The following ALDH16A1 variants were observed in gnomAD, a reference collection of about 807,000 sequenced individuals.
ALDH16A1 encodes aldehyde dehydrogenase family 16 member A1.
ALDH16A1 carries 88 observed loss-of-function variants against 96.1 expected under a neutral mutation model. The ratio of observed to expected loss-of-function variants is 0.92; its 90% confidence interval spans 0.77 to 1.09. ALDH16A1 has a LOEUF of 1.09. Among genes scored for constraint, ALDH16A1 ranks in the 50% least tolerant of loss-of-function variants. The pLI, the probability that ALDH16A1 is intolerant of heterozygous loss-of-function variation, is 0.00. For missense variants in ALDH16A1, 1,250 were observed against 1,112.6 expected, an observed-to-expected ratio of 1.12 and a Z score of -1.76; for synonymous variants, 522 against 496.4, an observed-to-expected ratio of 1.05 and a Z score of -0.69.
intron 2 of ALDH16A1, 31 bp downstream of exon 2, chr19:49,458,619 G>T (rs372284791): frequency 6.5e-6 from 10 of 1,546,574 alleles, no homozygotes; most frequent in Non-Finnish European, 7.9e-6. Context: ...ATTAGTGGAA[G>T]GGAGGTATCT....
chr19:49,470,612 G>A lies in ALDH16A1; in HGVS notation c.*145G>A. ...CTAGCTGTGCTTCTGCGAGAAGAAA[G>A]GGTGTAGCAACTTCTGGCAGATATG... On this transcript the variant is annotated 3_prime_UTR_variant, in exon 17 of 17. Transcript: ENST00000293350. 1 of 874,980 alleles carries A rather than the reference G, an allele frequency of 1.1e-6. No individual in the cohort carries two copies. The highest frequency in any genetic ancestry group is 1.6e-6 in the Non-Finnish European group (1 of 639,864). The allele number at this position is 874,980 out of a possible 1,614,324, so 54.2% of individuals were successfully genotyped here. A position where few individuals can be genotyped will look rare whatever the true frequency, so the allele number is the denominator to read the frequency against.
In ALDH16A1 at chr19:49,461,816, G is replaced by C. The variant is rs370927408; in HGVS notation, c.759+16G>C. On this transcript the variant is annotated intron_variant, in intron 6 of 16. Coordinates refer to ENST00000293350, the MANE Select transcript of ALDH16A1 (RefSeq NM_153329.4). Reference sequence around the variant, plus strand: ...AGCCCCGGAGGTACCTTCGGGACAGGGGTCGTGGCGGAACGCGGCTGGGGG... The same window carrying C: ...AGCCCCGGAGGTACCTTCGGGACAGCGGTCGTGGCGGAACGCGGCTGGGGG... 98 of 1,607,390 alleles carry C rather than the reference G, an allele frequency of 6.1e-5. No individual in the cohort carries two copies. The highest frequency in any genetic ancestry group is 7.5e-5 in the Non-Finnish European group (88 of 1,177,300).
intron 5 of ALDH16A1, among the ~76,000 whole-genome samples, 193 bp from the exon 6 acceptor site, chr19:49,461,426 G>A (rs1295581573): frequency 1.0e-4 from 12 of 114,412 alleles, no homozygotes; most frequent in Non-Finnish European, 1.1e-4. Context: ...TGAGGGAGGA[G>A]GGGCTGGGCC....
At position 49,461,942 on chromosome 19, in the gene ALDH16A1, T is replaced by C. The variant is rs2079152756; in HGVS notation, c.818T>C (p.Leu273Pro). Reference protein sequence around the residue: ...AGECAELGLALGTESLLLLTD... With the variant: ...AGECAELGLAPGTESLLLLTD... ...GAGTGTGCGGAGCTGGGCCTGGCGC[T>C]GGGGACGGAGTCGCTGCTGCTGCTG... Residue 273 changes from leucine (L) to proline (P), a missense_variant, in exon 7 of 17, where the codon CTG (leucine) becomes CCG (proline). Coordinates refer to ENST00000293350, the MANE Select transcript of ALDH16A1 (RefSeq NM_153329.4). 3 of 1,573,288 alleles carry C rather than the reference T, an allele frequency of 1.9e-6. No homozygotes were observed. In the East Asian group the frequency reaches 7.0e-5, roughly 37 times the overall value.
In ALDH16A1 at chr19:49,464,740, G is replaced by A. The variant is rs761847775; in HGVS notation, c.1546G>A (p.Ala516Thr). ...FGLAVPSTLP[A>T]GPEIGPSPAP... ...CCTCGCTGTTCCCTCAACCCTGCCG[G>A]CTGGGCCTGAAATAGGGCCCAGGTG... Residue 516 changes from alanine (A) to threonine (T), a missense_variant, in exon 12 of 17, where the codon GCT becomes ACT. Physicochemically the swap from Ala to Thr is moderately conservative, Grantham distance 58. Transcript: ENST00000293350. 12 of 1,613,974 alleles carry A rather than the reference G, an allele frequency of 7.4e-6. No homozygotes were observed. The highest frequency in any genetic ancestry group is 1.0e-5 in the Non-Finnish European group (12 of 1,180,026).
intron 13 of ALDH16A1, 82 bp downstream of exon 13, chr19:49,465,987 G>T: frequency 6.5e-7 from 1 of 1,548,776 alleles, no homozygotes. Context: ...GGACTGGGAG[G>T]CTGGGCCCCC....
rs922448901 is a variant in ALDH16A1, at chr19:49,468,522, G to C, written c.2080G>C (p.Val694Leu). ...ALAYGNTVVMVPSAACPLLAL... is the reference protein window; with the variant it reads ...ALAYGNTVVMLPSAACPLLAL... Reference sequence around the variant, plus strand: ...GGCCTACGGCAACACTGTGGTCATGGTGCCCAGTGCGGCCTGTCCTCTGCT... The same window carrying C: ...GGCCTACGGCAACACTGTGGTCATGCTGCCCAGTGCGGCCTGTCCTCTGCT... The change falls in exon 15 of 17, where the codon GTG becomes CTG. Residue 694 changes from valine (V) to leucine (L), a missense_variant. By Grantham distance (32) the Val-to-Leu change is conservative. Transcript: ENST00000293350. This position sits in a 1 kb window ranked among gnomAD's most constrained non-coding sequence, Gnocchi z 4.4. 3.1e-6 allele frequency: 5 copies of C among 1,604,606 alleles called. No homozygotes were observed. The highest frequency in any genetic ancestry group is 8.5e-7 in the Non-Finnish European group (1 of 1,179,926).
Position 49,461,773 on chromosome 19 carries a change from G to T in ALDH16A1, c.732G>T (p.Arg244=). 2 of 1,611,436 alleles carry T rather than the reference G, an allele frequency of 1.2e-6. No homozygotes were observed. The highest frequency in any genetic ancestry group is 1.7e-6 in the Non-Finnish European group (2 of 1,178,918). The change falls in exon 6 of 17, where the codon CGG becomes CGT. Residue 244 remains arginine, a synonymous_variant. Coordinates refer to ENST00000293350, the MANE Select transcript of ALDH16A1 (RefSeq NM_153329.4). ...VPILASQPGI[R]KVAFCGAPEE... ...TCCTGGCCTCCCAGCCTGGAATCCG[G>T]AAGGTGGCCTTCTGCGGAGCCCCGG... is the stretch of plus-strand genomic sequence containing the variant.
At position 49,466,246 on chromosome 19, in the gene ALDH16A1, G is replaced by C. The variant is rs776005183; in HGVS notation, c.1901G>C (p.Trp634Ser). ...VELSARRLRA[W>S]GARVQAQGHT... Reference sequence around the variant, plus strand: ...CTGAGCGCAAGACGACTTCGGGCGTGGGGGGCCCGGGTGCAGGCCCAAGGC... The same window carrying C: ...CTGAGCGCAAGACGACTTCGGGCGTCGGGGGCCCGGGTGCAGGCCCAAGGC... Residue 634 changes from tryptophan to serine, a missense_variant, in exon 14 of 17, where the codon TGG (tryptophan) becomes TCG (serine). Transcript: ENST00000293350. 2.7e-6 allele frequency: 4 copies of C among 1,480,894 alleles called. No homozygotes were observed. In the Admixed American group the frequency reaches 7.5e-5, roughly 28 times the overall value. The allele number at this position is 1,480,894 out of a possible 1,614,324, so 91.7% of individuals were successfully genotyped here.
chr19:49,462,429 C>A, intron 7 of ALDH16A1, 141 bp from the exon 8 acceptor site: 1 of 1,116,810 alleles, frequency 9.0e-7, no homozygotes, highest in Non-Finnish European at 1.3e-6. Context: ...GCCACCGCAT[C>A]CGGCCTCTCT....
At chr19:49,467,873 G>A (rs1365480931) in intron 14 of ALDH16A1, among the ~76,000 whole-genome samples, 1 of 149,388 alleles carries the variant, frequency 6.7e-6, no homozygotes, top group Non-Finnish European at 1.5e-5. Context: ...AAAGAAAATA[G>A]ACCAGGCGCA....
chr19:49,462,729 C>CG lies in ALDH16A1; in HGVS notation c.1073dup (p.Glu359Ter), dbSNP rs775891702. On this transcript the variant is annotated frameshift_variant, in exon 8 of 17. Coordinates refer to ENST00000293350, the MANE Select transcript of ALDH16A1 (RefSeq NM_153329.4). LOFTEE classifies it high-confidence loss of function. The stretch of plus-strand genomic sequence containing the variant: ...ATGTGACCTGGTCCAGCGCTTTGTG[C>CG]GTGAGGCCCAGAGCCAGGGTGCACA... 2 of 1,598,262 alleles carry CG rather than the reference C, an allele frequency of 1.3e-6. No homozygotes were observed. The highest frequency in any genetic ancestry group is 1.8e-5 in the Admixed American group (1 of 57,038).
At position 49,467,119 on chromosome 19, in the gene ALDH16A1, G is replaced by A. The variant is rs75575676; in HGVS notation, c.1938+836G>A. On this transcript the variant is annotated intron_variant, in intron 14 of 16. Transcript: ENST00000293350. ...TGCAGCCTCAACCTCCGAGGTCCAA[G>A]TGAGCCCCCCACCTCAGCCTCCTGA... Among the ~76,000 whole-genome samples, 12 of 152,338 alleles carry A rather than the reference G, an allele frequency of 7.9e-5. No individual in the cohort carries two copies. In the East Asian group the frequency reaches 2.3e-3, roughly 29 times the overall value.
chr19:49,464,463 C>A lies in ALDH16A1; in HGVS notation c.1378C>A (p.Pro460Thr), dbSNP rs2079180873. 1 of 1,611,906 alleles carries A rather than the reference C, an allele frequency of 6.2e-7. No homozygotes were observed. Among genetic ancestry groups the A allele is most frequent in the Admixed American group, 1.7e-5 (1 of 59,622 alleles). The change falls in exon 11 of 17, where the codon CCT (proline) becomes ACT (threonine). Residue 460 changes from proline to threonine, a missense_variant. Pro to Thr is a conservative substitution (Grantham distance 38). Coordinates refer to ENST00000293350, the MANE Select transcript of ALDH16A1 (RefSeq NM_153329.4). Reference protein sequence around the residue: ...VWINAHGLRDPSVPTGGCKES... With the variant: ...VWINAHGLRDTSVPTGGCKES... The stretch of plus-strand genomic sequence containing the variant: ...GATCAACGCCCACGGCCTCAGAGAC[C>A]CTTCGGTGCCCACAGGCGGCTGCAA...
intron 2 of ALDH16A1, 88 bp downstream of exon 2, chr19:49,458,676 C>T (rs908192744): frequency 1.0e-5 from 14 of 1,390,678 alleles, no homozygotes; most frequent in African/African-American, 1.0e-4. Context: ...TTGCCTAGGG[C>T]CCTGAGGGCA....
At chr19:49,465,928 C>G (rs1167167759) in intron 13 of ALDH16A1, 23 bp downstream of exon 13, 1 of 1,609,110 alleles carries the variant, frequency 6.2e-7, no homozygotes, top group Admixed American at 1.7e-5. Flanking sequence ...ACGGGAAAGC[C>G]CAAGGGTCAT....
chr19:49,468,850 T>A lies in ALDH16A1; in HGVS notation c.2125-14T>A, dbSNP rs1243889453. On this transcript the variant is annotated splice_polypyrimidine_tract_variant and intron_variant, in intron 15 of 16. Coordinates refer to ENST00000293350, the MANE Select transcript of ALDH16A1 (RefSeq NM_153329.4). The surrounding 1 kb of genome is among the most constrained non-coding windows in gnomAD (Gnocchi z 4.4). The stretch of plus-strand genomic sequence containing the variant: ...CCACGGCCTCCCCAACCTTTCACTC[T>A]CTCTATCCCCTAGGACATGGCCACC... 7 of 1,608,376 alleles carry A rather than the reference T, an allele frequency of 4.4e-6. No homozygotes were observed. The highest frequency in any genetic ancestry group is 1.3e-5 in the African/African-American group (1 of 74,330).
chr19:49,465,863 A>G lies in ALDH16A1; in HGVS notation c.1694A>G (p.Asp565Gly). ...TACGTGGCTGAGGGTGGAGCCAAGG[A>G]CATCCGAGGTGCTGTGGAGGCCGCT... ...HGYVAEGGAK[D>G]IRGAVEAAHQ... Residue 565 changes from aspartate to glycine, a missense_variant, in exon 13 of 17, where the codon GAC becomes GGC. Transcript: ENST00000293350. 6.2e-7 allele frequency: 1 copy of G among 1,614,076 alleles called. No individual in the cohort carries two copies. The highest frequency in any genetic ancestry group is 8.5e-7 in the Non-Finnish European group (1 of 1,179,978).
intron 16 of ALDH16A1, 156 bp from the exon 17 acceptor site, chr19:49,470,150 A>C: frequency 2.3e-6 from 2 of 863,670 alleles, no homozygotes; most frequent in Non-Finnish European, 3.6e-6. Context: ...TTTCCCTACC[A>C]TCTGGAAGTT....
Sources: gnomAD v4.1 joint callset for allele counts (sites outside exome capture counted in the v4.1 genomes callset) on GRCh38, gnomAD v4.1.1 for gene constraint, Gnocchi (gnomAD v3.1) non-coding constraint, MANE v1.5 for transcripts, NCBI Gene and HGNC (gene_info 2026-07-23, HGNC 2026-07-21) for gene names.